XKR9: variants seen among roughly 807,000 people sequenced by gnomAD.
XKR9 encodes the protein XK-related protein 9.
A neutral mutation model predicts 32.0 loss-of-function variants in XKR9; 32 were observed. The observed-to-expected ratio is 1.00, with a 90% CI of 0.76 to 1.34. XKR9 has a LOEUF of 1.34. Ranked by LOEUF, XKR9 falls within the 40% of genes most tolerant of loss-of-function variation. The probability of loss-of-function intolerance (pLI) is 0.00; values close to 1 mark genes in which losing one functional copy is unlikely to be tolerated. For synonymous variants in XKR9, 168 were observed against 143.4 expected, an observed-to-expected ratio of 1.17 and a Z score of -1.22; for missense variants, 546 against 429.7, an observed-to-expected ratio of 1.27 and a Z score of -2.39.
chr8:70,846,092 A>G, the XKR9 span, among the ~76,000 whole-genome samples: 2 of 152,170 alleles, frequency 1.3e-5, no homozygotes, highest in Non-Finnish European at 2.9e-5. Flanking sequence ...CCATCAGGTG[A>G]ACAGTGGATT....
At chr8:70,779,423 G>C (rs1223716355) in intron 2 of XKR9, among the ~76,000 whole-genome samples, 2 of 151,944 alleles carry the variant, frequency 1.3e-5, no homozygotes, top group East Asian at 3.9e-4. Context: ...TTTTTTTGTT[G>C]TTGTGTCTCT....
chr8:71,055,339 A>G, the XKR9 span, among the ~76,000 whole-genome samples: 1 of 152,228 alleles, frequency 6.6e-6, no homozygotes, highest in African/African-American at 2.4e-5. Flanking sequence ...AGATAGGAAG[A>G]TGGGTGAACA....
chr8:70,686,359 C>T (rs1256952346), intron 3 of XKR9, among the ~76,000 whole-genome samples: 1 of 151,334 alleles, frequency 6.6e-6, no homozygotes, highest in Non-Finnish European at 1.5e-5. Flanking sequence ...CCTCCCACTT[C>T]AGCCCCACAA....
chr8:70,848,413 A>G, the XKR9 span, among the ~76,000 whole-genome samples: 3 of 151,846 alleles, frequency 2.0e-5, no homozygotes. Context: ...CACCACTTTC[A>G]TTTAACATAA....
the XKR9 span, among the ~76,000 whole-genome samples, chr8:70,856,532 T>C: frequency 1.3e-5 from 2 of 152,146 alleles, no homozygotes; most frequent in African/African-American, 4.8e-5. Flanking sequence ...TGGGAGACTT[T>C]AACAGCCCAC....
At chr8:70,727,323 A>G (rs1806504761) in intron 4 of XKR9, among the ~76,000 whole-genome samples, 1 of 134,272 alleles carries the variant, frequency 7.4e-6, no homozygotes. Context: ...ATTAAAGAAG[A>G]CAAGTTTTTT....
At chr8:70,740,499 T>C (rs991733329), downstream of XKR9, among the ~76,000 whole-genome samples, 54 of 152,330 alleles carry the variant, frequency 3.5e-4, no homozygotes, top group African/African-American at 1.1e-3. Context: ...AGCTTTGTTC[T>C]GTTGCTGGTG....
At chr8:70,862,270 A>G in the XKR9 span, among the ~76,000 whole-genome samples, 6 of 152,090 alleles carry the variant, frequency 3.9e-5, no homozygotes, top group African/African-American at 1.4e-4. Flanking sequence ...TGAGAGGATC[A>G]GTCCATTTTG....
chr8:70,911,727 T>C, the XKR9 span, among the ~76,000 whole-genome samples: 1 of 151,906 alleles, frequency 6.6e-6, no homozygotes, highest in Non-Finnish European at 1.5e-5. Context: ...TGAGGAAAAA[T>C]AAAGCTGGAT....
At chr8:70,754,219 A>T (rs920139376) in intron 2 of XKR9, among the ~76,000 whole-genome samples, 2 of 148,162 alleles carry the variant, frequency 1.3e-5, no homozygotes, top group East Asian at 2.1e-4. Context: ...GATGTGAAGG[A>T]TCTCTTCAAG....
At chr8:70,744,394 A>C (rs552027005) in intron 2 of XKR9, among the ~76,000 whole-genome samples, 36 of 152,224 alleles carry the variant, frequency 2.4e-4, no homozygotes, top group African/African-American at 8.4e-4. Context: ...ATCCCTACTT[A>C]TGACCCTGAT....
intron 2 of XKR9, among the ~76,000 whole-genome samples, chr8:70,783,428 G>A (rs779090543): frequency 4.6e-5 from 7 of 151,868 alleles, no homozygotes; most frequent in Non-Finnish European, 8.8e-5. Context: ...GGGTTTCACC[G>A]TGTTAGCCAG....
the XKR9 span, among the ~76,000 whole-genome samples, chr8:70,915,157 C>T: frequency 5.3e-5 from 8 of 151,758 alleles, no homozygotes; most frequent in Non-Finnish European, 1.2e-4. Context: ...ACCAGCAGGT[C>T]CATTAGAATA....
chr8:70,940,699 G>T, the XKR9 span, among the ~76,000 whole-genome samples: 1 of 151,972 alleles, frequency 6.6e-6, no homozygotes, highest in Non-Finnish European at 1.5e-5. Context: ...TTGATTTTAT[G>T]GGAATAGAGA....
At chr8:71,038,750 CAAA>C in the XKR9 span, among the ~76,000 whole-genome samples, 9 of 97,534 alleles carry the variant, frequency 9.2e-5, no homozygotes, top group Admixed American at 2.3e-4. Context: ...TCTCAATTTT[CAAA>C]AAAAAAAAAA....
At chr8:70,993,886 C>T in the XKR9 span, among the ~76,000 whole-genome samples, 1 of 152,294 alleles carries the variant, frequency 6.6e-6, no homozygotes, top group Middle Eastern at 3.4e-3. Flanking sequence ...TAGATTTCCT[C>T]TAAGGATACA....
rs192082464 is a variant in XKR9 at position 70,688,767 on chromosome 8, T to C, written c.272+7437T>C. On this transcript the variant is annotated intron_variant, in intron 3 of 4. Transcript: ENST00000408926. ...AAAAAAAAGGAAGCAATAGCCAGTA[T>C]ATGCAGCATGAAAACAGTAAAAACT... Among the ~76,000 whole-genome samples the C allele has an allele frequency of 9.4e-3, 1,431 of 151,660 alleles. 24 individuals are homozygous for C. Among genetic ancestry groups the C allele is most frequent in the South Asian group, 0.014 (68 of 4,804 alleles).
chr8:70,772,348 T>G (rs1254850295), intron 2 of XKR9, among the ~76,000 whole-genome samples: 1 of 152,192 alleles, frequency 6.6e-6, no homozygotes, highest in Non-Finnish European at 1.5e-5. Flanking sequence ...CTCTTTTTAG[T>G]GATATATGTT....
the XKR9 span, among the ~76,000 whole-genome samples, chr8:70,809,499 G>A: frequency 2.6e-5 from 4 of 152,132 alleles, no homozygotes; most frequent in African/African-American, 9.7e-5. Context: ...CTACTCTGAG[G>A]TAAAGGAGGA....
Sources: allele counts gnomAD v4.1 joint callset (sites outside exome capture counted in the v4.1 genomes callset), GRCh38; gene constraint gnomAD v4.1.1; transcripts MANE v1.5; gene names NCBI Gene and HGNC (gene_info 2026-07-23, HGNC 2026-07-21).